PACS2: variants seen among roughly 807,000 people sequenced by gnomAD.
PACS2 encodes the protein PACS1-like protein.
Under a neutral mutation model 113.0 loss-of-function variants are expected in PACS2, and 36 were observed. The ratio of observed to expected loss-of-function variants is 0.32; its 90% CI spans 0.24 to 0.42. The LOEUF (loss-of-function observed/expected upper bound fraction) is 0.42, where lower values mean the gene tolerates loss of function less well. Ranked by LOEUF, PACS2 falls within the 10% of genes least tolerant of loss-of-function variation. The pLI, the probability that PACS2 is intolerant of heterozygous loss-of-function variation, is 1.00. For missense variants in PACS2, 1,015 were observed against 1,239.5 expected, an observed-to-expected ratio of 0.82 and a Z score of 2.72; for synonymous variants, 589 against 536.1, an observed-to-expected ratio of 1.10 and a Z score of -1.36.
Position 105,358,497 on chromosome 14 carries a change from A to G in PACS2, c.423+3320A>G, listed in dbSNP as rs1353562232. Among the ~76,000 whole-genome samples, 1 of 152,094 alleles carries G rather than the reference A, an allele frequency of 6.6e-6. No homozygotes were observed. The highest frequency in any genetic ancestry group is 1.5e-5 in the Non-Finnish European group (1 of 68,006). ...CCCAGCACCCGTAGAGGGAGTGTGT[A>G]GGGGTGGGCGTTCGTGTGGCCAGAC... On this transcript the variant is annotated intron_variant, in intron 4 of 24. Coordinates refer to ENST00000447393, the MANE Select transcript of PACS2 (RefSeq NM_001100913.3). The surrounding 1 kb of genome is among the most constrained non-coding windows in gnomAD (Gnocchi z 4.9).
rs1301564621 is a variant in PACS2 at position 105,354,448 on chromosome 14, T to G, written c.298-604T>G. 6.6e-6 allele frequency among the ~76,000 whole-genome samples: 1 copy of G among 152,162 alleles called. No individual in the cohort carries two copies. The highest frequency in any genetic ancestry group is 1.5e-5 in the Non-Finnish European group (1 of 68,034). ...GTTTTGATAGGCATGCTCAGGCATGTCAGCACCACCGCAGTTAGGGTGGTG... is the reference window on the plus strand; with the variant it reads ...GTTTTGATAGGCATGCTCAGGCATGGCAGCACCACCGCAGTTAGGGTGGTG... On this transcript the variant is annotated intron_variant, in intron 3 of 24. Transcript: ENST00000447393. The surrounding 1 kb of genome is among the most constrained non-coding windows in gnomAD (Gnocchi z 4.2).
chr14:105,383,639 G>A lies in PACS2; in HGVS notation c.1780+126G>A, dbSNP rs141397585. On this transcript the variant is annotated intron_variant, in intron 16 of 24. Coordinates refer to ENST00000447393, the MANE Select transcript of PACS2 (RefSeq NM_001100913.3). Reference sequence around the variant, plus strand: ...GCGTGGCGCGGTGTGTCGTGGTGTGGCGCGGTGTGGCATGGCGTGGTGTCC... The same window carrying A: ...GCGTGGCGCGGTGTGTCGTGGTGTGACGCGGTGTGGCATGGCGTGGTGTCC... 1.1e-3 allele frequency: 949 copies of A among 831,522 alleles called. 15 individuals carry two copies. The Admixed American group carries it at 0.016, about 14-fold the overall frequency. The allele number at this position is 831,522 out of a possible 1,614,324, so 51.5% of individuals were successfully genotyped here.
At chr14:105,359,298 T>G (rs1350422433) in intron 4 of PACS2, among the ~76,000 whole-genome samples, 1 of 151,666 alleles carries the variant, frequency 6.6e-6, no homozygotes, top group Non-Finnish European at 1.5e-5. Flanking sequence ...ATTTTTACTG[T>G]GCTTTTTTTT....
intron 18 of PACS2, among the ~76,000 whole-genome samples, chr14:105,385,366 G>A (rs2081140122): frequency 6.6e-6 from 1 of 152,226 alleles, no homozygotes; most frequent in African/African-American, 2.4e-5. Flanking sequence ...TGGGCCTCGG[G>A]CCCTGTGGGT....
Position 105,356,646 on chromosome 14 carries a change from T to C in PACS2, c.423+1469T>C, listed in dbSNP as rs1437371836. On this transcript the variant is annotated intron_variant, in intron 4 of 24. Transcript: ENST00000447393. This position sits in a 1 kb window ranked among gnomAD's most constrained non-coding sequence, Gnocchi z 4.0. ...CACTGTGGGGAGGTCATGCAGGCTC[T>C]GTTTCCCATTAGCCATGCAGGCGAG... Among the ~76,000 whole-genome samples, 2 of 152,126 alleles carry C rather than the reference T, an allele frequency of 1.3e-5. No individual in the cohort carries two copies. The highest frequency in any genetic ancestry group is 1.3e-4 in the Admixed American group (2 of 15,276).
intron 3 of PACS2, 110 bp downstream of exon 3, chr14:105,352,577 G>A: frequency 3.2e-6 from 2 of 622,818 alleles, no homozygotes; most frequent in Non-Finnish European, 5.8e-6. Context: ...ACTGTCCCCT[G>A]GGGTGATGGG....
intron 1 of PACS2, among the ~76,000 whole-genome samples, chr14:105,342,023 C>G (rs1479514866): frequency 6.6e-6 from 1 of 152,190 alleles, no homozygotes; most frequent in Non-Finnish European, 1.5e-5. Flanking sequence ...CCCCCAGCCC[C>G]AAGTCAAACG....
At chr14:105,374,073 T>C (rs2061255968) in intron 8 of PACS2, among the ~76,000 whole-genome samples, 1 of 150,926 alleles carries the variant, frequency 6.6e-6, no homozygotes, top group Non-Finnish European at 1.5e-5. Context: ...AAGAAACACT[T>C]GAACCTGGGA....
chr14:105,384,321 G>T (rs782066119), intron 16 of PACS2, 32 bp from the exon 17 acceptor site: 1 of 1,340,238 alleles, frequency 7.5e-7, no homozygotes, highest in East Asian at 2.3e-5. Flanking sequence ...CGAGTCCCCC[G>T]TGGTGACACC....
In PACS2 at chr14:105,354,943, C is replaced by T; in HGVS notation, c.298-109C>T. 9.1e-7 allele frequency: 1 copy of T among 1,094,144 alleles called. No individual in the cohort carries two copies. The allele number at this position is 1,094,144 out of a possible 1,614,324, so 67.8% of individuals were successfully genotyped here. On this transcript the variant is annotated intron_variant, in intron 3 of 24. Coordinates refer to ENST00000447393, the MANE Select transcript of PACS2 (RefSeq NM_001100913.3). This position sits in a 1 kb window ranked among gnomAD's most constrained non-coding sequence, Gnocchi z 4.2. Reference sequence around the variant, plus strand: ...GTGGGTGCCCTTCCGATCTCATGGGCAGCAGGTTGGCCTGGTCGCAGGCTG... The same window carrying T: ...GTGGGTGCCCTTCCGATCTCATGGGTAGCAGGTTGGCCTGGTCGCAGGCTG...
At chr14:105,302,447 C>T (rs949803378) in intron 1 of PACS2, among the ~76,000 whole-genome samples, 1 of 152,090 alleles carries the variant, frequency 6.6e-6, no homozygotes, top group African/African-American at 2.4e-5. Flanking sequence ...AGGTGATCCG[C>T]CCACTTCAGC....
At chr14:105,378,136 C>A (rs1267768806) in intron 9 of PACS2, among the ~76,000 whole-genome samples, 1 of 152,244 alleles carries the variant, frequency 6.6e-6, no homozygotes, top group Non-Finnish European at 1.5e-5. Context: ...ATCTCTTCTG[C>A]CTTCAGCCGG....
Position 105,344,433 on chromosome 14 carries a change from T to G in PACS2, c.120-4060T>G, listed in dbSNP as rs117997749. Among the ~76,000 whole-genome samples, 212 of 152,208 alleles carry G rather than the reference T, an allele frequency of 1.4e-3. 6 individuals carry two copies. The East Asian group carries it at 0.028, about 20-fold the overall frequency. On this transcript the variant is annotated intron_variant, in intron 1 of 24. Transcript: ENST00000447393. Reference sequence around the variant, plus strand: ...CGGCCCAGAAAATTTAACAATTAATTCAATTTATTTAATAGTTGTAGGACT... The same window carrying G: ...CGGCCCAGAAAATTTAACAATTAATGCAATTTATTTAATAGTTGTAGGACT...
chr14:105,360,282 G>A (rs2060628626), intron 4 of PACS2, among the ~76,000 whole-genome samples: 1 of 152,192 alleles, frequency 6.6e-6, no homozygotes, highest in South Asian at 2.1e-4. Flanking sequence ...GCTCATGCCT[G>A]TAATCCCAGC....
chr14:105,325,868 C>G (rs587716938), intron 1 of PACS2, among the ~76,000 whole-genome samples: 1 of 152,372 alleles, frequency 6.6e-6, no homozygotes, highest in South Asian at 2.1e-4. Context: ...GCGAGCTTGG[C>G]CCCTCTGCTG....
chr14:105,309,053 G>A lies in PACS2; in HGVS notation c.-83+8074G>A, dbSNP rs2058273610. Among the ~76,000 whole-genome samples the A allele has an allele frequency of 6.6e-6, 1 of 152,178 alleles. No homozygotes were observed. The highest frequency in any genetic ancestry group is 1.5e-5 in the Non-Finnish European group (1 of 68,036). The stretch of plus-strand genomic sequence containing the variant: ...TCCATCCTGCACGAAGAGCACTGAG[G>A]TTGAGTGTTGGTTGACACGTGTTGC... On this transcript the variant is annotated intron_variant, in intron 1 of 23. Transcript: ENST00000430725. The surrounding 1 kb of genome is among the most constrained non-coding windows in gnomAD (Gnocchi z 4.0).
chr14:105,331,284 C>T (rs1268843041), intron 1 of PACS2, among the ~76,000 whole-genome samples: 1 of 152,130 alleles, frequency 6.6e-6, no homozygotes, highest in East Asian at 1.9e-4. Flanking sequence ...CAAGTTTAGT[C>T]TGTGTTTCTG....
In PACS2 at chr14:105,358,538, G is replaced by A. The variant is rs976495249; in HGVS notation, c.423+3361G>A. 1.1e-4 allele frequency among the ~76,000 whole-genome samples: 17 copies of A among 152,226 alleles called. No homozygotes were observed. The highest frequency in any genetic ancestry group is 3.9e-4 in the African/African-American group (16 of 41,460). On this transcript the variant is annotated intron_variant, in intron 4 of 24. Coordinates refer to ENST00000447393, the MANE Select transcript of PACS2 (RefSeq NM_001100913.3). This position sits in a 1 kb window ranked among gnomAD's most constrained non-coding sequence, Gnocchi z 4.9. ...GTGGCCAGACCACCCTGGGGCTGCA[G>A]CCTGGGAGACGCAGGCATGCCAGCT...
chr14:105,301,705 C>T (rs903916411), intron 1 of PACS2, among the ~76,000 whole-genome samples: 4 of 152,266 alleles, frequency 2.6e-5, no homozygotes, highest in Admixed American at 2.6e-4. Flanking sequence ...TCATTCGTGG[C>T]CACCTGTGGT....
Sources: gnomAD v4.1 joint callset for allele counts (sites outside exome capture counted in the v4.1 genomes callset) on GRCh38, gnomAD v4.1.1 for gene constraint, Gnocchi (gnomAD v3.1) non-coding constraint, MANE v1.5 for transcripts, NCBI Gene and HGNC (gene_info 2026-07-23, HGNC 2026-07-21) for gene names.